Variants in ATP11A observed in about 807,000 individuals in gnomAD.
The protein encoded by ATP11A is phospholipid-transporting ATPase IH.
In ATP11A, 81 loss-of-function variants were observed where a neutral mutation model predicts 154.4. That is an observed-to-expected ratio of 0.52 (90% confidence interval 0.44 to 0.63). The LOEUF is 0.63. Among genes scored for constraint, ATP11A ranks in the 30% least tolerant of loss-of-function variants. ATP11A has a pLI of 0.00. For synonymous variants in ATP11A, 623 were observed against 585.9 expected, an observed-to-expected ratio of 1.06 and a Z score of -0.91; for missense variants, 1,316 against 1,474.3, an observed-to-expected ratio of 0.89 and a Z score of 1.76.
At chr13:112,720,294 G>T (rs1219849723) in intron 1 of ATP11A, among the ~76,000 whole-genome samples, 5 of 152,254 alleles carry the variant, frequency 3.3e-5, no homozygotes, top group Non-Finnish European at 5.9e-5. Flanking sequence ...CTTGAAACGG[G>T]TGTCACAGGC....
chr13:112,756,699 CT>C (rs138793683), intron 1 of ATP11A, among the ~76,000 whole-genome samples: 6,701 of 152,286 alleles, frequency 0.044, 505 homozygotes, highest in African/African-American at 0.15. Context: ...TCCCAGATGC[CT>C]CTTTGCCTTT....
chr13:112,791,079 CACTGAAGATGG>C (rs764829949), intron 2 of ATP11A, among the ~76,000 whole-genome samples: 130 of 152,334 alleles, frequency 8.5e-4, no homozygotes, highest in Non-Finnish European at 1.2e-3. Flanking sequence ...AGGCGGAGCT[CACTGAAGATGG>C]TTTCCAAGCT....
rs111731332 is a variant in ATP11A, at chr13:112,758,061, A to G, written c.40-27074A>G. ...CTCAACCTTTGTTTTTACACTAAAG[A>G]CATTTTTGTTGTTGTTTTTGAGACA... On this transcript the variant is annotated intron_variant, in intron 1 of 29. Transcript: ENST00000375645. Among the ~76,000 whole-genome samples, 931 of 152,270 alleles carry G rather than the reference A, an allele frequency of 6.1e-3. 9 individuals are homozygous for G. The highest frequency in any genetic ancestry group is 0.022 in the African/African-American group (897 of 41,568).
chr13:112,765,742 G>A (rs1420985459), intron 1 of ATP11A, among the ~76,000 whole-genome samples: 1 of 152,236 alleles, frequency 6.6e-6, no homozygotes, highest in African/African-American at 2.4e-5. Flanking sequence ...ATGTCTCTGA[G>A]AACGAAAGCT....
At chr13:112,879,937 A>C (rs981795979) in intron 29 of ATP11A, among the ~76,000 whole-genome samples, 1 of 152,114 alleles carries the variant, frequency 6.6e-6, no homozygotes, top group Non-Finnish European at 1.5e-5. Context: ...CATGCAGTTC[A>C]CTTCTCCGTC....
chr13:112,836,934 C>G (rs866003638), intron 16 of ATP11A, among the ~76,000 whole-genome samples: 68 of 152,350 alleles, frequency 4.5e-4, no homozygotes, highest in African/African-American at 1.5e-3. Flanking sequence ...CCCCTGACCT[C>G]CCTGCGAGGA....
intron 28 of ATP11A, 123 bp downstream of exon 28, chr13:112,876,064 T>G: frequency 2.6e-4 from 292 of 1,122,014 alleles, no homozygotes; most frequent in Non-Finnish European, 3.1e-4. Flanking sequence ...AGTTCAGGTA[T>G]CACTAATGAG....
intron 12 of ATP11A, 114 bp from the exon 13 acceptor site, chr13:112,831,261 C>T (rs1012940343): frequency 5.2e-6 from 6 of 1,159,430 alleles, no homozygotes; most frequent in South Asian, 3.0e-5. Flanking sequence ...TAGAAATCCA[C>T]CGCCTATTCA....
In ATP11A at chr13:112,793,814, C is replaced by T. The variant is rs575557366; in HGVS notation, c.162+8557C>T. 4.6e-3 allele frequency among the ~76,000 whole-genome samples: 707 copies of T among 152,322 alleles called. 7 individuals are homozygous for T. The highest frequency in any genetic ancestry group is 0.016 in the African/African-American group (657 of 41,562). ...GCTGGCAGGGGACAGTGCCCGGGTT[C>T]GTCTCGCAGCCAGAGGCCAGAGGCA... On this transcript the variant is annotated intron_variant, in intron 2 of 29. Transcript: ENST00000375645.
At chr13:112,741,769 C>G (rs910719330) in intron 1 of ATP11A, among the ~76,000 whole-genome samples, 30 of 152,188 alleles carry the variant, frequency 2.0e-4, no homozygotes, top group African/African-American at 7.2e-4. Context: ...CCATCTGCCT[C>G]TGTGCATCAG....
intron 1 of ATP11A, among the ~76,000 whole-genome samples, chr13:112,742,494 A>G (rs746049709): frequency 1.3e-5 from 2 of 152,108 alleles, no homozygotes; most frequent in Non-Finnish European, 2.9e-5. Context: ...CGTAGTCTGG[A>G]TGTTCATTAG....
chr13:112,739,659 A>T (rs1891334597), intron 1 of ATP11A, among the ~76,000 whole-genome samples: 1 of 152,262 alleles, frequency 6.6e-6, no homozygotes, highest in African/African-American at 2.4e-5. Flanking sequence ...CCACACGGAA[A>T]CTTTCACACA....
intron 1 of ATP11A, among the ~76,000 whole-genome samples, chr13:112,698,564 A>C (rs1189133517): frequency 1.3e-5 from 2 of 152,196 alleles, no homozygotes; most frequent in African/African-American, 4.8e-5. Context: ...TGGCTCACTC[A>C]TGCAGGGATG....
intron 13 of ATP11A, 86 bp from the exon 14 acceptor site, chr13:112,832,774 C>T: frequency 6.6e-7 from 1 of 1,513,578 alleles, no homozygotes; most frequent in Non-Finnish European, 8.9e-7. Context: ...CCCCACCCCG[C>T]TTCTTGTTAT....
rs556640472 is a variant in ATP11A at position 112,882,589 on chromosome 13, C to T, written c.*723C>T. ...GTTTCCCTGCGGTTACGTCCAAGCC[C>T]GCCTGCCCTGTGTGTTGGGGCTGGC... is the stretch of plus-strand genomic sequence containing the variant. On this transcript the variant is annotated 3_prime_UTR_variant, in exon 30 of 30. Transcript: ENST00000375645. This position sits in a 1 kb window ranked among gnomAD's most constrained non-coding sequence, Gnocchi z 5.1. The T allele has an allele frequency of 5.9e-5, 24 of 406,828 alleles. No individual in the cohort carries two copies. Among genetic ancestry groups the T allele is most frequent in the Admixed American group, 5.4e-4 (13 of 23,876 alleles). 25.2% of individuals were successfully genotyped at this position (406,828 alleles called of 1,614,324 possible).
intron 1 of ATP11A, among the ~76,000 whole-genome samples, chr13:112,731,753 C>T (rs892342250): frequency 2.0e-5 from 3 of 152,180 alleles, no homozygotes; most frequent in African/African-American, 7.2e-5. Context: ...AGACTTACAA[C>T]AACCTATGCT....
At chr13:112,837,043 C>T (rs113245682) in intron 16 of ATP11A, among the ~76,000 whole-genome samples, 9,235 of 152,316 alleles carry the variant, frequency 0.061, 409 homozygotes, top group South Asian at 0.087. Context: ...CACTCAACAC[C>T]GCAGCCCCTC....
At chr13:112,721,521 A>G (rs973674970) in intron 1 of ATP11A, among the ~76,000 whole-genome samples, 1 of 152,206 alleles carries the variant, frequency 6.6e-6, no homozygotes, top group Non-Finnish European at 1.5e-5. Context: ...CTGAAGACAC[A>G]GAAACAGCTT....
intron 1 of ATP11A, among the ~76,000 whole-genome samples, chr13:112,775,318 C>T (rs1238477841): frequency 6.6e-6 from 1 of 152,232 alleles, no homozygotes; most frequent in East Asian, 1.9e-4. Flanking sequence ...TCCGACTCTG[C>T]CTTAGCCCCG....
Sources: gnomAD v4.1 joint callset for allele counts (sites outside exome capture counted in the v4.1 genomes callset) on GRCh38, gnomAD v4.1.1 for gene constraint, Gnocchi (gnomAD v3.1) non-coding constraint, MANE v1.5 for transcripts, NCBI Gene and HGNC (gene_info 2026-07-23, HGNC 2026-07-21) for gene names.